Variants in CEP112 observed in about 807,000 individuals in gnomAD.
The protein encoded by CEP112 is centrosomal protein of 112 kDa.
A neutral mutation model predicts 153.0 loss-of-function variants in CEP112; 127 were observed. That is an observed-to-expected ratio of 0.83 (90% CI 0.72 to 0.96). The LOEUF (loss-of-function observed/expected upper bound fraction) is 0.96. Among genes scored for constraint, CEP112 ranks in the 40% least tolerant of loss-of-function variants. CEP112 has a pLI of 0.00. For missense variants in CEP112, 1,089 were observed against 1,101.2 expected (o/e 0.99, Z 0.16); for synonymous variants, 358 against 374.4 (o/e 0.96, Z 0.51).
intron 12 of CEP112, among the ~76,000 whole-genome samples, chr17:66,051,077 T>G (rs2066418523): frequency 6.6e-6 from 1 of 151,854 alleles, no homozygotes; most frequent in African/African-American, 2.4e-5. Flanking sequence ...CCTAATGGGC[T>G]CAAGTAATCC....
chr17:65,877,798 T>C (rs1027756041), intron 20 of CEP112, among the ~76,000 whole-genome samples: 1 of 152,190 alleles, frequency 6.6e-6, no homozygotes, highest in Non-Finnish European at 1.5e-5. Flanking sequence ...GTTTAAAAAT[T>C]AGTAGGCATG....
rs1175486483 is a variant in CEP112 at position 65,702,608 on chromosome 17, T to C, written c.2608-13390A>G. 1.3e-5 allele frequency among the ~76,000 whole-genome samples: 2 copies of C among 152,214 alleles called. 1 individual carries two copies. The highest frequency in any genetic ancestry group is 4.1e-4 in the South Asian group (2 of 4,824). The stretch of plus-strand genomic sequence containing the variant: ...TATTTTATTATTGTTGGTAGTCTCT[T>C]ATAGTGCCTAATTTATATATTAAAC... On this transcript the variant is annotated intron_variant, in intron 23 of 26. Transcript: ENST00000535342.
intron 21 of CEP112, among the ~76,000 whole-genome samples, chr17:65,840,256 C>T (rs1185263176): frequency 6.6e-6 from 1 of 152,062 alleles, no homozygotes; most frequent in Non-Finnish European, 1.5e-5. Context: ...CATCAGGCTT[C>T]AAAATATACT....
intron 17 of CEP112, among the ~76,000 whole-genome samples, chr17:65,963,957 G>A (rs1362372625): frequency 1.3e-5 from 2 of 152,130 alleles, no homozygotes; most frequent in Non-Finnish European, 2.9e-5. Context: ...TTTTACAGAT[G>A]TAGCCACCAT....
intron 21 of CEP112, 117 bp downstream of exon 21, chr17:65,851,687 A>G: frequency 1.4e-6 from 1 of 711,852 alleles, no homozygotes; most frequent in South Asian, 1.8e-5. Flanking sequence ...AAGAGTTTAT[A>G]CATTTAAAGA....
At chr17:66,038,110 A>AAAAAAACAAAAG (rs71293591) in intron 12 of CEP112, among the ~76,000 whole-genome samples, 1 of 120,658 alleles carries the variant, frequency 8.3e-6, no homozygotes, top group African/African-American at 3.3e-5. Context: ...CAAAAAAAAA[A>AAAAAAACAAAAG]AAAAGAAAAG....
intron 21 of CEP112, among the ~76,000 whole-genome samples, chr17:65,786,358 T>A (rs2054272589): frequency 1.3e-5 from 2 of 151,980 alleles, no homozygotes. Flanking sequence ...GATTTTGTCA[T>A]TGGAGGATAG....
chr17:66,132,871 T>C (rs2070256088), intron 4 of CEP112, 108 bp from the exon 5 acceptor site: 2 of 789,298 alleles, frequency 2.5e-6, no homozygotes, highest in South Asian at 3.1e-5. Flanking sequence ...TGATAGTTTG[T>C]ATTAACAATG....
intron 17 of CEP112, among the ~76,000 whole-genome samples, chr17:65,982,691 C>T (rs777388786): frequency 5.3e-5 from 8 of 152,124 alleles, no homozygotes; most frequent in Non-Finnish European, 1.2e-4. Flanking sequence ...GTAAGCTGTC[C>T]CAGCAATTCC....
intron 12 of CEP112, among the ~76,000 whole-genome samples, chr17:66,030,886 A>C (rs1248870081): frequency 6.6e-6 from 1 of 152,212 alleles, no homozygotes; most frequent in East Asian, 1.9e-4. Flanking sequence ...TTCTAAGAGA[A>C]CCATTTTAAA....
At chr17:65,920,400 T>TATATATATATATATAA (rs1254685722) in intron 19 of CEP112, among the ~76,000 whole-genome samples, 4 of 113,848 alleles carry the variant, frequency 3.5e-5, no homozygotes, top group Non-Finnish European at 5.4e-5. Context: ...TATATATATA[T>TATATATATATATATAA]ATATAATTAT....
rs79954502 is a variant in CEP112 at position 65,715,771 on chromosome 17, T to C, written c.2608-26553A>G. Reference sequence around the variant, plus strand: ...TGGCCAAGAAATTTTAAGTGTAGTGTAGAATCTGGGGAGTCAAGGGAGAAG... The same window carrying C: ...TGGCCAAGAAATTTTAAGTGTAGTGCAGAATCTGGGGAGTCAAGGGAGAAG... On this transcript the variant is annotated intron_variant, in intron 23 of 26. Coordinates refer to ENST00000535342, the MANE Select transcript of CEP112 (RefSeq NM_001199165.4). Among the ~76,000 whole-genome samples, 260 of 152,220 alleles carry C rather than the reference T, an allele frequency of 1.7e-3. 1 individual carries two copies. Among genetic ancestry groups the C allele is most frequent in the African/African-American group, 6.2e-3 (257 of 41,532 alleles).
At chr17:65,938,174 A>G (rs1303064446) in intron 18 of CEP112, among the ~76,000 whole-genome samples, 1 of 133,966 alleles carries the variant, frequency 7.5e-6, no homozygotes, top group African/African-American at 2.7e-5. Flanking sequence ...TAAATGGATT[A>G]AGGGCGGGGC....
intron 12 of CEP112, among the ~76,000 whole-genome samples, chr17:66,033,608 C>A (rs2065586954): frequency 2.0e-5 from 3 of 152,188 alleles, no homozygotes; most frequent in African/African-American, 7.2e-5. Flanking sequence ...GCCTGCATAG[C>A]TCATTTCCTC....
chr17:66,099,634 A>G (rs910363838), intron 6 of CEP112, among the ~76,000 whole-genome samples: 4 of 152,132 alleles, frequency 2.6e-5, no homozygotes, highest in Admixed American at 1.3e-4. Context: ...GAAATAAAGT[A>G]AGCCACCCAC....
rs142631643 is a variant in CEP112 at position 66,000,702 on chromosome 17, G to C, written c.1736+4988C>G. 4.9e-3 allele frequency among the ~76,000 whole-genome samples: 752 copies of C among 152,272 alleles called. 8 individuals are homozygous for C. The highest frequency in any genetic ancestry group is 0.017 in the African/African-American group (719 of 41,560). ...TGGAGCATCTGGAGGAGCAGGAATA[G>C]TATTGGGAAGAGGAGGGAGGAGGAA... On this transcript the variant is annotated intron_variant, in intron 17 of 26. Transcript: ENST00000535342.
At chr17:66,086,686 C>T (rs1352028012) in intron 8 of CEP112, among the ~76,000 whole-genome samples, 6 of 151,422 alleles carry the variant, frequency 4.0e-5, no homozygotes, top group South Asian at 2.1e-4. Context: ...CGTGAGCCAC[C>T]GTGCCTGGCC....
At chr17:65,695,083 G>A (rs1051983408) in intron 23 of CEP112, among the ~76,000 whole-genome samples, 1 of 152,188 alleles carries the variant, frequency 6.6e-6, no homozygotes, top group African/African-American at 2.4e-5. Context: ...GCTGGCTGTG[G>A]GAAGCTACAC....
At chr17:65,720,487 A>C (rs1189598725) in intron 23 of CEP112, among the ~76,000 whole-genome samples, 1 of 152,178 alleles carries the variant, frequency 6.6e-6, no homozygotes, top group Non-Finnish European at 1.5e-5. Flanking sequence ...AGAGAGGCAG[A>C]GGGCATCCCA....
Sources: gnomAD v4.1 joint callset for allele counts (sites outside exome capture counted in the v4.1 genomes callset) on GRCh38, gnomAD v4.1.1 for gene constraint, MANE v1.5 for transcripts, NCBI Gene and HGNC (gene_info 2026-07-23, HGNC 2026-07-21) for gene names.